CANT1: variants seen among roughly 807,000 people sequenced by gnomAD.
CANT1 encodes the protein soluble calcium-activated nucleotidase 1.
CANT1 carries 26 observed loss-of-function variants against 30.0 expected under a neutral mutation model. That is an observed-to-expected ratio of 0.87 (90% CI 0.64 to 1.20). The LOEUF (loss-of-function observed/expected upper bound fraction) is 1.20, where lower values mean the gene tolerates loss of function less well. Among genes scored for constraint, CANT1 ranks in the 50% most tolerant of loss-of-function variants. The pLI, the probability that CANT1 is intolerant of heterozygous loss-of-function variation, is 0.00. For synonymous variants in CANT1, 246 were observed against 251.8 expected (o/e 0.98, Z 0.22); for missense variants, 518 against 563.0 (o/e 0.92, Z 0.81).
In CANT1 at chr17:78,993,598, C is replaced by G; in HGVS notation, c.1158G>C (p.Pro386=). 4 of 1,614,244 alleles carry G rather than the reference C, an allele frequency of 2.5e-6. No individual in the cohort carries two copies. The highest frequency in any genetic ancestry group is 1.6e-4 in the Middle Eastern group (1 of 6,062). ...ATTTCACGCTTCCGATCTTGGTCTC[C>G]GGCAACAGGAAGCGCCCGTCCAGCG... ...AFTLDGRFLL[P]ETKIGSVKYE... The change falls in exon 5 of 5, where the codon CCG becomes CCC. Residue 386 remains proline, a synonymous_variant. Coordinates refer to ENST00000392446, the MANE Select transcript of CANT1 (RefSeq NM_001159773.2). The surrounding 1 kb of genome is among the most constrained non-coding windows in gnomAD (Gnocchi z 4.5).
Position 78,992,195 on chromosome 17 carries a change from C to T in CANT1, c.*1355G>A, listed in dbSNP as rs917128253. The T allele has an allele frequency of 3.9e-5, 9 of 232,260 alleles. No individual in the cohort carries two copies. Among genetic ancestry groups the T allele is most frequent in the African/African-American group, 1.5e-4 (7 of 45,188 alleles). The allele number at this position is 232,260 out of a possible 1,614,324, so 14.4% of individuals were successfully genotyped here. A position where few individuals can be genotyped will look rare whatever the true frequency, so the allele number is the denominator to read the frequency against. ...ATGAGAGAGGGGTCCCTCCTCGCTGCCCTCCTCGCAGCTGTGCTTGAGTTT... is the reference window on the plus strand; with the variant it reads ...ATGAGAGAGGGGTCCCTCCTCGCTGTCCTCCTCGCAGCTGTGCTTGAGTTT... On this transcript the variant is annotated 3_prime_UTR_variant, in exon 5 of 5. Coordinates refer to ENST00000392446, the MANE Select transcript of CANT1 (RefSeq NM_001159773.2).
chr17:78,994,720 C>T (rs74949399), intron 4 of CANT1, among the ~76,000 whole-genome samples: 4,150 of 152,264 alleles, frequency 0.027, 85 homozygotes, highest in East Asian at 0.11. Context: ...GTCAGGAGTT[C>T]GAGACCATCC....
rs116415852 is a variant in CANT1, at chr17:78,999,114, G to A, written c.-146-1151C>T. 7.6e-3 allele frequency among the ~76,000 whole-genome samples: 1,163 copies of A among 152,140 alleles called. 12 individuals carry two copies. Among genetic ancestry groups the A allele is most frequent in the African/African-American group, 0.026 (1,093 of 41,528 alleles). On this transcript the variant is annotated intron_variant, in intron 1 of 4. Transcript: ENST00000392446. ...GGTGACAATTCCACATGGAACTTTCGGACAGTCCTAGGTTTTAGCCCCAGG... is the reference window on the plus strand; with the variant it reads ...GGTGACAATTCCACATGGAACTTTCAGACAGTCCTAGGTTTTAGCCCCAGG...
Position 78,996,445 on chromosome 17 carries a change from G to A in CANT1, c.631+547C>T, listed in dbSNP as rs2145839024. On this transcript the variant is annotated intron_variant, in intron 3 of 4. Transcript: ENST00000392446. This position sits in a 1 kb window ranked among gnomAD's most constrained non-coding sequence, Gnocchi z 5.1. ...CTGTGGAAGCAGCACCTCCTTTCTG[G>A]TGAACAAAAAGGCTGGCATCAGGCT... Among the ~76,000 whole-genome samples, 1 of 152,290 alleles carries A rather than the reference G, an allele frequency of 6.6e-6. No homozygotes were observed. Among genetic ancestry groups the A allele is most frequent in the African/African-American group, 2.4e-5 (1 of 41,568 alleles).
Position 78,993,790 on chromosome 17 carries a change from G to T in CANT1, c.966C>A (p.Ser322Arg). Reference sequence around the variant, plus strand: ...CGATGTCGCCGAAGTCAGGGGAGGCGCTCAGCAGCAGGTTGGCGCCCTTGC... The same window carrying T: ...CGATGTCGCCGAAGTCAGGGGAGGCTCTCAGCAGCAGGTTGGCGCCCTTGC... ...DERKGANLLL[S>R]ASPDFGDIAV... The change falls in exon 5 of 5, where the codon AGC (serine) becomes AGA (arginine). Residue 322 changes from serine to arginine, a missense_variant. This residue lies in a region of CANT1 where 221 missense variants were observed against 211.8 expected (regional missense o/e 1.04). Transcript: ENST00000392446. The surrounding 1 kb of genome is among the most constrained non-coding windows in gnomAD (Gnocchi z 4.5). The T allele has an allele frequency of 6.2e-7, 1 of 1,611,694 alleles. No homozygotes were observed.
chr17:79,009,468 C>T (rs2071669714), intron 1 of CANT1, among the ~76,000 whole-genome samples, 196 bp downstream of exon 1: 1 of 152,180 alleles, frequency 6.6e-6, no homozygotes, highest in Non-Finnish European at 1.5e-5. Flanking sequence ...GGGACTTTCC[C>T]ACAGGTCAGA....
Position 78,996,898 on chromosome 17 carries a change from G to T in CANT1, c.631+94C>A. On this transcript the variant is annotated intron_variant, in intron 3 of 4. Coordinates refer to ENST00000392446, the MANE Select transcript of CANT1 (RefSeq NM_001159773.2). The surrounding 1 kb of genome is among the most constrained non-coding windows in gnomAD (Gnocchi z 5.1). Reference sequence around the variant, plus strand: ...CTCACCACATCCCTGGCTTCTAGGTGTGTGAATTCTTTACCATGTGCCTGT... The same window carrying T: ...CTCACCACATCCCTGGCTTCTAGGTTTGTGAATTCTTTACCATGTGCCTGT... 2 of 1,532,458 alleles carry T rather than the reference G, an allele frequency of 1.3e-6. No individual in the cohort carries two copies. The highest frequency in any genetic ancestry group is 1.8e-6 in the Non-Finnish European group (2 of 1,116,766). The allele number at this position is 1,532,458 out of a possible 1,614,324, so 94.9% of individuals were successfully genotyped here. A position where few individuals can be genotyped will look rare whatever the true frequency, so the allele number is the denominator to read the frequency against.
At chr17:79,003,272 A>T (rs1195631020) in intron 1 of CANT1, among the ~76,000 whole-genome samples, 1 of 152,032 alleles carries the variant, frequency 6.6e-6, no homozygotes, top group East Asian at 1.9e-4. Context: ...CTTGGGCTTC[A>T]TCTCTCCTTC....
At position 78,997,319 on chromosome 17, in the gene CANT1, C is replaced by T; in HGVS notation, c.304G>A (p.Gly102Arg). ...PLSPPQRTPA[G>R]IRYRIAVIAD... ...ATAACTGCGATTCGATACCGAATCC[C>T]AGCCGGTGTCCTTTGTGGGGGAGAC... The change falls in exon 3 of 5, where the codon GGG becomes AGG. Residue 102 changes from glycine to arginine, a missense_variant. Gly to Arg is a moderately radical substitution (Grantham distance 125, BLOSUM62 -2). This residue lies in a region of CANT1 where 249 missense variants were observed against 268.8 expected (regional missense o/e 0.93). Coordinates refer to ENST00000392446, the MANE Select transcript of CANT1 (RefSeq NM_001159773.2). This position sits in a 1 kb window ranked among gnomAD's most constrained non-coding sequence, Gnocchi z 7.5. 6.2e-7 allele frequency: 1 copy of T among 1,614,134 alleles called. No individual in the cohort carries two copies. Among genetic ancestry groups the T allele is most frequent in the Non-Finnish European group, 8.5e-7 (1 of 1,180,032 alleles).
chr17:79,007,071 G>A (rs2071579356), intron 1 of CANT1, among the ~76,000 whole-genome samples: 4 of 152,168 alleles, frequency 2.6e-5, no homozygotes, highest in Admixed American at 1.3e-4. Context: ...AGAGGAACGC[G>A]GGGAGCAGCG....
At chr17:79,006,945 C>A (rs1295416041) in intron 1 of CANT1, among the ~76,000 whole-genome samples, 1 of 152,230 alleles carries the variant, frequency 6.6e-6, no homozygotes, top group Non-Finnish European at 1.5e-5. Flanking sequence ...ACCCTCAGAG[C>A]CATTCTGGGG....
rs781008699 is a variant in CANT1 at position 78,997,427 on chromosome 17, G to A, written c.196C>T (p.Pro66Ser). Residue 66 changes from proline to serine, a missense_variant, in exon 3 of 5, where the codon CCC (proline) becomes TCC (serine). By Grantham distance (74) the Pro-to-Ser change is moderately conservative. Transcript: ENST00000392446. This position sits in a 1 kb window ranked among gnomAD's most constrained non-coding sequence, Gnocchi z 7.5. ...GCATTGTGGGTGGGGGGCCTGCCGG[G>A]GGCCGGGCGGTGGGAGCAGAGCAGC... ...LWLLCSHRPA[P>S]GRPPTHNAHN... 5.0e-6 allele frequency: 8 copies of A among 1,607,724 alleles called. No homozygotes were observed. In the Admixed American group the frequency reaches 5.0e-5, roughly 10 times the overall value.
rs1294158432 is a variant in CANT1, at chr17:78,991,929, G to C, written c.*1621C>G. 3 of 231,574 alleles carry C rather than the reference G, an allele frequency of 1.3e-5. No individual in the cohort carries two copies. The highest frequency in any genetic ancestry group is 2.6e-5 in the Non-Finnish European group (3 of 117,090). 14.3% of individuals were successfully genotyped at this position (231,574 alleles called of 1,614,324 possible). ...AATACATCAGCAAGGTCTCAATTCA[G>C]CCACAGTCCCAAGTCCCCCAACCTT... On this transcript the variant is annotated 3_prime_UTR_variant, in exon 5 of 5. Coordinates refer to ENST00000392446, the MANE Select transcript of CANT1 (RefSeq NM_001159773.2).
intron 1 of CANT1, among the ~76,000 whole-genome samples, chr17:78,999,800 T>G (rs1243496870): frequency 6.6e-6 from 1 of 151,826 alleles, no homozygotes; most frequent in African/African-American, 2.4e-5. Context: ...ATTACAGGCA[T>G]GCACCACCAC....
In CANT1 at chr17:78,995,252, A is replaced by G; in HGVS notation, c.632-31T>C. 1 of 1,596,376 alleles carries G rather than the reference A, an allele frequency of 6.3e-7. No individual in the cohort carries two copies. Among genetic ancestry groups the G allele is most frequent in the East Asian group, 2.2e-5 (1 of 44,572 alleles). On this transcript the variant is annotated intron_variant, in intron 3 of 4. Coordinates refer to ENST00000392446, the MANE Select transcript of CANT1 (RefSeq NM_001159773.2). The surrounding 1 kb of genome is among the most constrained non-coding windows in gnomAD (Gnocchi z 5.7). ...CAAGCAGAGTGTCCTTAGGCCCCGC[A>G]CCCAGCTCCCGCCGCACCCCTGCAC...
rs757098616 is a variant in CANT1, at chr17:78,993,925, G to C, written c.836-5C>G. 5.1e-6 allele frequency: 8 copies of C among 1,571,936 alleles called. No homozygotes were observed. The African/African-American group carries it at 9.4e-5, about 19-fold the overall frequency. The stretch of plus-strand genomic sequence containing the variant: ...CAGACTCATGGATGAGGTAGCCTGG[G>C]AACCGGGTGACCGCGGGTCAGACAC... On this transcript the variant is annotated splice_polypyrimidine_tract_variant and splice_region_variant and intron_variant, in intron 4 of 4. Transcript: ENST00000392446. This position sits in a 1 kb window ranked among gnomAD's most constrained non-coding sequence, Gnocchi z 4.5.
chr17:78,999,056 G>A (rs568513392), intron 1 of CANT1, among the ~76,000 whole-genome samples: 49 of 152,134 alleles, frequency 3.2e-4, no homozygotes, highest in Admixed American at 7.9e-4. Context: ...TCTCCACGCC[G>A]CAGCCTGCTG....
chr17:78,997,694 T>C lies in CANT1; in HGVS notation c.-22-50A>G. The C allele has an allele frequency of 6.9e-7, 1 of 1,459,524 alleles. No individual in the cohort carries two copies. The highest frequency in any genetic ancestry group is 9.1e-7 in the Non-Finnish European group (1 of 1,098,830). 90.4% of individuals were successfully genotyped at this position (1,459,524 alleles called of 1,614,324 possible). On this transcript the variant is annotated intron_variant, in intron 2 of 4. Transcript: ENST00000392446. This position sits in a 1 kb window ranked among gnomAD's most constrained non-coding sequence, Gnocchi z 7.5. ...GGAGTCAGCGCCTCCGCAAGCCCAG[T>C]CACATCTTAGTTCCGGAAGCTGCAG...
At position 78,993,781 on chromosome 17, in the gene CANT1, A is replaced by G; in HGVS notation, c.975T>C (p.Pro325=). The G allele has an allele frequency of 6.2e-7, 1 of 1,612,506 alleles. No homozygotes were observed. Among genetic ancestry groups the G allele is most frequent in the South Asian group, 1.1e-5 (1 of 91,080 alleles). ...GGCTCACAGCGATGTCGCCGAAGTC[A>G]GGGGAGGCGCTCAGCAGCAGGTTGG... ...KGANLLLSAS[P]DFGDIAVSHV... Residue 325 remains proline (P), a synonymous_variant, in exon 5 of 5, where the codon CCT becomes CCC. Coordinates refer to ENST00000392446, the MANE Select transcript of CANT1 (RefSeq NM_001159773.2). This position sits in a 1 kb window ranked among gnomAD's most constrained non-coding sequence, Gnocchi z 4.5.
Sources: allele counts gnomAD v4.1 joint callset (sites outside exome capture counted in the v4.1 genomes callset), GRCh38; gene constraint gnomAD v4.1.1; regional missense constraint gnomAD v4.1.1; non-coding constraint Gnocchi (gnomAD v3.1); transcripts MANE v1.5; gene names NCBI Gene and HGNC (gene_info 2026-07-23, HGNC 2026-07-21).